CCDC149: variants seen among roughly 807,000 people sequenced by gnomAD.
The protein encoded by CCDC149 is coiled-coil domain containing 149.
In CCDC149, 45 loss-of-function variants were observed where a neutral mutation model predicts 59.9. The observed-to-expected ratio is 0.75, with a 90% CI of 0.59 to 0.96. The LOEUF is 0.96. CCDC149 is among the 40% of genes least tolerant of loss of function. The pLI is 0.00. For synonymous variants in CCDC149, 245 were observed against 260.6 expected, an observed-to-expected ratio of 0.94 and a Z score of 0.58; for missense variants, 584 against 664.7, an observed-to-expected ratio of 0.88 and a Z score of 1.33.
chr4:24,893,564 G>A (rs1240241677), intron 1 of CCDC149, among the ~76,000 whole-genome samples: 3 of 144,320 alleles, frequency 2.1e-5, no homozygotes, highest in African/African-American at 7.6e-5. Context: ...ATGTAGTTAG[G>A]GTTTTAAGTA....
chr4:24,869,534 T>C (rs1229307012), intron 3 of CCDC149, among the ~76,000 whole-genome samples: 1 of 152,140 alleles, frequency 6.6e-6, no homozygotes, highest in Non-Finnish European at 1.5e-5. Flanking sequence ...GGGCAGTGTG[T>C]CCTGTTGACA....
Position 24,807,357 on chromosome 4 carries a change from CCT to C in CCDC149, c.*1030_*1031del, listed in dbSNP as rs1714269530. The C allele has an allele frequency of 6.6e-6, 1 of 152,288 alleles. No individual in the cohort carries two copies. The highest frequency in any genetic ancestry group is 2.4e-5 in the African/African-American group (1 of 41,430). The allele number at this position is 152,288 out of a possible 1,614,324, so 9.4% of individuals were successfully genotyped here. A position where few individuals can be genotyped will look rare whatever the true frequency, so the allele number is the denominator to read the frequency against. On this transcript the variant is annotated 3_prime_UTR_variant, in exon 13 of 13. Coordinates refer to ENST00000635206, the MANE Select transcript of CCDC149 (RefSeq NM_001330643.2). ...TGCTGTTGTGAAGTTGTTTTGTTTT[CCT>C]CTCTCTTTCCCATAAAAGGTCATGA...
At chr4:24,886,587 C>T (rs751978449) in intron 1 of CCDC149, among the ~76,000 whole-genome samples, 1 of 152,060 alleles carries the variant, frequency 6.6e-6, no homozygotes, top group Non-Finnish European at 1.5e-5. Context: ...GTGCATTGCA[C>T]CAACCTGGGG....
intron 3 of CCDC149, among the ~76,000 whole-genome samples, chr4:24,864,650 C>A (rs551481983): frequency 3.9e-5 from 6 of 152,236 alleles, no homozygotes; most frequent in Non-Finnish European, 5.9e-5. Context: ...AACTCTTTCT[C>A]TATTGCAATT....
chr4:24,917,763 C>A (rs1005103432), upstream of CCDC149, among the ~76,000 whole-genome samples: 1 of 152,142 alleles, frequency 6.6e-6, no homozygotes, highest in Non-Finnish European at 1.5e-5. Flanking sequence ...AAGTCATCTG[C>A]TCTCAGATTA....
Position 24,808,477 on chromosome 4 carries a change from G to T in CCDC149, c.1535C>A (p.Ala512Asp). ...GGAAGCTTTGGCTGCTGGCCGGCTG[G>T]CCTCGAAGGAGTCCAGGTGAGATTT... The change falls in exon 13 of 13, where the codon GCC becomes GAC. Residue 512 changes from alanine to aspartate, a missense_variant. Coordinates refer to ENST00000635206, the MANE Select transcript of CCDC149 (RefSeq NM_001330643.2). 6.8e-7 allele frequency: 1 copy of T among 1,475,970 alleles called. No homozygotes were observed. Among genetic ancestry groups the T allele is most frequent in the Non-Finnish European group, 9.0e-7 (1 of 1,113,536 alleles). 91.4% of individuals were successfully genotyped at this position (1,475,970 alleles called of 1,614,324 possible). A position where few individuals can be genotyped will look rare whatever the true frequency, so the allele number is the denominator to read the frequency against.
chr4:24,888,754 G>A (rs1037008533), intron 1 of CCDC149, among the ~76,000 whole-genome samples: 1 of 152,126 alleles, frequency 6.6e-6, no homozygotes, highest in Non-Finnish European at 1.5e-5. Context: ...TTGGGTGTGA[G>A]CCTTTCCTGC....
At chr4:24,854,306 A>T (rs1342604804) in intron 3 of CCDC149, among the ~76,000 whole-genome samples, 4 of 152,230 alleles carry the variant, frequency 2.6e-5, no homozygotes, top group African/African-American at 9.6e-5. Flanking sequence ...TAGCAGGAAG[A>T]GACTGCAAAC....
intron 1 of CCDC149, among the ~76,000 whole-genome samples, chr4:24,939,275 G>A (rs1471607371): frequency 1.3e-5 from 2 of 152,198 alleles, no homozygotes; most frequent in African/African-American, 4.8e-5. Flanking sequence ...CTGATACCCA[G>A]GCAAACAGGG....
chr4:24,903,124 C>T (rs974425802), intron 1 of CCDC149, among the ~76,000 whole-genome samples: 2 of 151,114 alleles, frequency 1.3e-5, no homozygotes, highest in East Asian at 3.9e-4. Flanking sequence ...CCTAATTCTC[C>T]CCCATATATC....
chr4:24,927,061 C>T (rs1722452365), intron 1 of CCDC149, among the ~76,000 whole-genome samples: 1 of 152,194 alleles, frequency 6.6e-6, no homozygotes, highest in South Asian at 2.1e-4. Context: ...CCATAGGTTA[C>T]AAGGAAGTCC....
chr4:24,862,760 A>G (rs1718460356), intron 3 of CCDC149, among the ~76,000 whole-genome samples: 1 of 152,212 alleles, frequency 6.6e-6, no homozygotes, highest in African/African-American at 2.4e-5. Flanking sequence ...CTTTCCCACA[A>G]TTCGTCATCA....
chr4:24,881,183 T>C (rs143995994), intron 1 of CCDC149, among the ~76,000 whole-genome samples: 4 of 152,312 alleles, frequency 2.6e-5, no homozygotes, highest in Non-Finnish European at 5.9e-5. Flanking sequence ...CAATTTATCA[T>C]AGAGTGAGAA....
intron 3 of CCDC149, among the ~76,000 whole-genome samples, chr4:24,863,719 G>A: frequency 6.6e-6 from 1 of 152,226 alleles, no homozygotes; most frequent in East Asian, 1.9e-4. Flanking sequence ...CCTAGTCTTT[G>A]CTCATAGGTT....
intron 1 of CCDC149, among the ~76,000 whole-genome samples, chr4:24,883,202 T>TC (rs1268199537): frequency 1.4e-5 from 1 of 71,532 alleles, no homozygotes; most frequent in Non-Finnish European, 3.8e-5. Context: ...TGTTTTCTTT[T>TC]CTTTTTTTTT....
At chr4:24,838,454 T>C (rs987431429) in intron 4 of CCDC149, among the ~76,000 whole-genome samples, 182 bp from the exon 5 acceptor site, 2 of 152,184 alleles carry the variant, frequency 1.3e-5, no homozygotes, top group Non-Finnish European at 2.9e-5. Context: ...TAGATTGTAG[T>C]TAGTGTACAC....
At chr4:24,909,605 C>T (rs925040114) in intron 1 of CCDC149, among the ~76,000 whole-genome samples, 2 of 152,186 alleles carry the variant, frequency 1.3e-5, no homozygotes, top group Admixed American at 1.3e-4. Context: ...TGTCCCCACT[C>T]AAATCTCACC....
chr4:24,867,058 C>CA (rs1264844201), intron 3 of CCDC149, among the ~76,000 whole-genome samples: 1 of 152,148 alleles, frequency 6.6e-6, no homozygotes, highest in Non-Finnish European at 1.5e-5. Flanking sequence ...GCCTGAACTA[C>CA]AGCACCGAAC....
At chr4:24,853,319 GCAGCCAGTGTGTGA>G (rs1717786732) in intron 3 of CCDC149, 140 bp from the exon 4 acceptor site, 1 of 669,936 alleles carries the variant, frequency 1.5e-6, no homozygotes, top group African/African-American at 1.8e-5. Flanking sequence ...ATATATGAAT[GCAGCCAGTGTGTGA>G]ATCACACCAC....
Sources: gnomAD v4.1 joint callset for allele counts (sites outside exome capture counted in the v4.1 genomes callset) on GRCh38, gnomAD v4.1.1 for gene constraint, MANE v1.5 for transcripts, NCBI Gene and HGNC (gene_info 2026-07-23, HGNC 2026-07-21) for gene names.